PCDH15: variants seen among roughly 807,000 people sequenced by gnomAD.
The protein encoded by PCDH15 is protocadherin related 15.
Under a neutral mutation model 178.5 loss-of-function variants are expected in PCDH15, and 129 were observed. The ratio of observed to expected loss-of-function variants is 0.72; its 90% CI spans 0.63 to 0.84. The LOEUF (loss-of-function observed/expected upper bound fraction) is 0.84. PCDH15 is among the 40% of genes least tolerant of loss of function. The pLI is 0.00. For missense variants in PCDH15, 2,230 were observed against 2,099.9 expected, an observed-to-expected ratio of 1.06 and a Z score of -1.21; for synonymous variants, 800 against 732.0, an observed-to-expected ratio of 1.09 and a Z score of -1.50.
At chr10:55,560,359 A>G (rs948293808) in intron 2 of PCDH15, among the ~76,000 whole-genome samples, 1 of 151,850 alleles carries the variant, frequency 6.6e-6, no homozygotes, top group African/African-American at 2.4e-5. Context: ...ACACCCAATA[A>G]CATCCTTCAT....
chr10:55,399,319 A>G (rs768885302), intron 2 of PCDH15, among the ~76,000 whole-genome samples: 2 of 152,142 alleles, frequency 1.3e-5, no homozygotes, highest in Non-Finnish European at 2.9e-5. Flanking sequence ...TAATTTTAGC[A>G]TTGGAAAATA....
intron 3 of PCDH15, among the ~76,000 whole-genome samples, chr10:54,515,996 T>C (rs937411352): frequency 6.6e-6 from 1 of 152,094 alleles, no homozygotes; most frequent in Admixed American, 6.6e-5. Flanking sequence ...AATCCATCCG[T>C]ACATCACCAT....
At chr10:54,738,466 TA>T (rs1944391598) in intron 1 of PCDH15, among the ~76,000 whole-genome samples, 1 of 151,748 alleles carries the variant, frequency 6.6e-6, no homozygotes, top group Admixed American at 6.6e-5. Context: ...AACATGAATT[TA>T]CTTTACAAAC....
chr10:55,552,685 T>C (rs1842023651), intron 2 of PCDH15, among the ~76,000 whole-genome samples: 2 of 151,322 alleles, frequency 1.3e-5, no homozygotes, highest in African/African-American at 2.4e-5. Flanking sequence ...CTTTTAAATT[T>C]AGTGAGTGAA....
intron 21 of PCDH15, among the ~76,000 whole-genome samples, chr10:53,967,511 T>C (rs532197120): frequency 1.9e-4 from 29 of 152,194 alleles, no homozygotes; most frequent in Non-Finnish European, 3.1e-4. Flanking sequence ...GCCTCAAGTG[T>C]TCCTTTCAGT....
At chr10:55,134,771 C>T (rs1311644789) in intron 2 of PCDH15, among the ~76,000 whole-genome samples, 2 of 152,266 alleles carry the variant, frequency 1.3e-5, no homozygotes, top group East Asian at 3.9e-4. Context: ...CCATGATCAG[C>T]TCAGCAGCGA....
At chr10:54,990,004 G>A (rs573292642) in intron 2 of PCDH15, among the ~76,000 whole-genome samples, 1 of 152,254 alleles carries the variant, frequency 6.6e-6, no homozygotes, top group Non-Finnish European at 1.5e-5. Flanking sequence ...TTTGCCTGCT[G>A]CCCTCCATGT....
At chr10:55,525,267 A>G (rs1371715956) in intron 2 of PCDH15, among the ~76,000 whole-genome samples, 2 of 151,932 alleles carry the variant, frequency 1.3e-5, no homozygotes, top group East Asian at 3.9e-4. Flanking sequence ...TAAATATCTC[A>G]GAATTTAGAA....
chr10:54,242,181 TATATATACAC>T (rs1160560918), intron 8 of PCDH15, among the ~76,000 whole-genome samples: 12 of 82,856 alleles, frequency 1.4e-4, no homozygotes, highest in Non-Finnish European at 2.1e-4. Flanking sequence ...TATATATATA[TATATATACAC>T]ACACACACAT....
chr10:55,263,745 A>AT (rs1037248183), intron 1 of PCDH15, among the ~76,000 whole-genome samples: 1 of 151,610 alleles, frequency 6.6e-6, no homozygotes, highest in Non-Finnish European at 1.5e-5. Context: ...TTATTATTTT[A>AT]TTTTTTTGAG....
chr10:54,274,480 G>T (rs1040971662), intron 8 of PCDH15, among the ~76,000 whole-genome samples: 2 of 151,990 alleles, frequency 1.3e-5, no homozygotes, highest in Admixed American at 1.3e-4. Flanking sequence ...GGTAAGGACT[G>T]TTGTTTGTTT....
intron 8 of PCDH15, among the ~76,000 whole-genome samples, chr10:54,286,688 C>G (rs564021661): frequency 6.6e-6 from 1 of 152,118 alleles, no homozygotes; most frequent in African/African-American, 2.4e-5. Flanking sequence ...TGCGGTAGCA[C>G]GATCTCAGCT....
chr10:54,808,436 G>T (rs574639345), intron 3 of PCDH15, among the ~76,000 whole-genome samples: 1 of 152,142 alleles, frequency 6.6e-6, no homozygotes, highest in Non-Finnish European at 1.5e-5. Flanking sequence ...TTGCATGGTA[G>T]AGCAGATTGA....
intron 2 of PCDH15, among the ~76,000 whole-genome samples, chr10:55,144,260 T>C (rs1838435314): frequency 8.8e-6 from 1 of 114,122 alleles, no homozygotes; most frequent in East Asian, 2.9e-4. Flanking sequence ...TACTCTTGTA[T>C]TACGGCTGAG....
At chr10:55,060,889 G>C (rs1841412505) in intron 2 of PCDH15, among the ~76,000 whole-genome samples, 1 of 151,864 alleles carries the variant, frequency 6.6e-6, no homozygotes, top group Non-Finnish European at 1.5e-5. Context: ...AAAAAAAATG[G>C]AATCTAGGCA....
At chr10:55,283,666 A>G (rs1222287201) in intron 1 of PCDH15, among the ~76,000 whole-genome samples, 2 of 150,870 alleles carry the variant, frequency 1.3e-5, no homozygotes, top group East Asian at 3.9e-4. Flanking sequence ...AGCTTTGTGC[A>G]TCCTAGATGC....
chr10:54,648,205 G>C (rs1423828075), intron 2 of PCDH15, among the ~76,000 whole-genome samples: 1 of 152,062 alleles, frequency 6.6e-6, no homozygotes, highest in Non-Finnish European at 1.5e-5. Context: ...GTTGTCCAGT[G>C]AACTATTGAC....
intron 2 of PCDH15, among the ~76,000 whole-genome samples, chr10:55,422,056 T>C (rs1188401993): frequency 1.3e-5 from 2 of 151,744 alleles, no homozygotes; most frequent in Admixed American, 6.6e-5. Context: ...TTCAGCATTG[T>C]CAACTTTTAG....
chr10:54,482,610 G>A (rs944916994), intron 3 of PCDH15, among the ~76,000 whole-genome samples: 1 of 151,628 alleles, frequency 6.6e-6, no homozygotes, highest in Non-Finnish European at 1.5e-5. Flanking sequence ...AAGGTACCAG[G>A]TACCTTAGCA....
Sources: gnomAD v4.1 joint callset for allele counts (sites outside exome capture counted in the v4.1 genomes callset) on GRCh38, gnomAD v4.1.1 for gene constraint, MANE v1.5 for transcripts, NCBI Gene and HGNC (gene_info 2026-07-23, HGNC 2026-07-21) for gene names.